CSMD1: variants seen among roughly 807,000 people sequenced by gnomAD.
CSMD1 encodes CUB and Sushi multiple domains 1.
A neutral mutation model predicts 417.5 loss-of-function variants in CSMD1; 213 were observed. The ratio of observed to expected loss-of-function variants is 0.51; its 90% CI spans 0.46 to 0.57. CSMD1 has a LOEUF of 0.57. Among genes scored for constraint, CSMD1 ranks in the 20% least tolerant of loss-of-function variants. The probability of loss-of-function intolerance (pLI) is 0.00; values close to 1 mark genes in which losing one functional copy is unlikely to be tolerated. For missense variants in CSMD1, 6,923 were observed against 4,529.7 expected (o/e 1.53, Z -15.17); for synonymous variants, 2,862 against 1,736.8 (o/e 1.65, Z -16.11).
At chr8:3,755,392 G>A (rs187721850) in intron 5 of CSMD1, among the ~76,000 whole-genome samples, 5 of 152,336 alleles carry the variant, frequency 3.3e-5, no homozygotes, top group East Asian at 1.9e-4. Flanking sequence ...TGCTCTACAA[G>A]TGGTTGTGCA....
intron 3 of CSMD1, among the ~76,000 whole-genome samples, chr8:4,046,172 TTA>T (rs1179830461): frequency 6.6e-6 from 1 of 152,090 alleles, no homozygotes; most frequent in African/African-American, 2.4e-5. Context: ...CACACACAAT[TTA>T]TATGTGTATG....
chr8:4,890,350 G>A (rs1804030245), intron 1 of CSMD1, among the ~76,000 whole-genome samples: 1 of 152,124 alleles, frequency 6.6e-6, no homozygotes, highest in African/African-American at 2.4e-5. Flanking sequence ...GAGTAGGAAG[G>A]CACATACAGG....
At chr8:4,583,566 G>T (rs547604630) in intron 2 of CSMD1, among the ~76,000 whole-genome samples, 8 of 152,038 alleles carry the variant, frequency 5.3e-5, no homozygotes, top group African/African-American at 1.9e-4. Flanking sequence ...TCAGCACCCT[G>T]TATTTACCTC....
intron 3 of CSMD1, among the ~76,000 whole-genome samples, chr8:4,073,006 T>G (rs536373043): frequency 6.6e-6 from 1 of 152,298 alleles, no homozygotes; most frequent in South Asian, 2.1e-4. Context: ...ATACTCTATA[T>G]GTAAGGACCA....
At chr8:4,595,902 T>C (rs901180317) in intron 2 of CSMD1, among the ~76,000 whole-genome samples, 1 of 152,132 alleles carries the variant, frequency 6.6e-6, no homozygotes, top group African/African-American at 2.4e-5. Context: ...CATGCAGCCA[T>C]CCACTCTTAA....
intron 3 of CSMD1, among the ~76,000 whole-genome samples, chr8:4,086,646 G>T (rs10503233): frequency 0.2 from 30,757 of 152,050 alleles, 3,957 homozygotes; most frequent in Non-Finnish European, 0.27. Flanking sequence ...TGCACCAAGC[G>T]ATTTCATTCT....
At chr8:4,920,728 C>T (rs1236090169) in intron 1 of CSMD1, among the ~76,000 whole-genome samples, 2 of 151,722 alleles carry the variant, frequency 1.3e-5, no homozygotes, top group Non-Finnish European at 2.9e-5. Flanking sequence ...AAGGCTAAGG[C>T]AGGAGAATCA....
chr8:3,467,423 G>T (rs1001367986), intron 12 of CSMD1, among the ~76,000 whole-genome samples: 1 of 152,156 alleles, frequency 6.6e-6, no homozygotes, highest in East Asian at 1.9e-4. Flanking sequence ...CTGAATAACT[G>T]CACAGTCACA....
chr8:4,093,963 CAAATAGATAGATAGAT>C (rs1436759860), intron 3 of CSMD1, among the ~76,000 whole-genome samples: 1 of 114,540 alleles, frequency 8.7e-6, no homozygotes, highest in Non-Finnish European at 1.8e-5. Context: ...GACTACATCT[CAAATAGATAGATAGAT>C]AGATAGATAG....
At chr8:3,560,612 G>T (rs1384751799) in intron 10 of CSMD1, among the ~76,000 whole-genome samples, 2 of 152,130 alleles carry the variant, frequency 1.3e-5, no homozygotes, top group African/African-American at 4.8e-5. Context: ...CTAGAGAAAA[G>T]GGGGAATGAG....
intron 3 of CSMD1, among the ~76,000 whole-genome samples, chr8:4,079,829 T>G (rs914726985): frequency 2.6e-4 from 40 of 152,134 alleles, no homozygotes; most frequent in African/African-American, 9.7e-4. Flanking sequence ...GAGAAAACAG[T>G]AGCCAGGGAT....
chr8:4,785,729 T>A (rs987939035), intron 1 of CSMD1, among the ~76,000 whole-genome samples: 2 of 152,138 alleles, frequency 1.3e-5, no homozygotes, highest in African/African-American at 4.8e-5. Flanking sequence ...ATAGAGCACA[T>A]CTTACTCTCA....
At chr8:3,908,533 A>G (rs2129137908) in intron 5 of CSMD1, among the ~76,000 whole-genome samples, 1 of 152,130 alleles carries the variant, frequency 6.6e-6, no homozygotes, top group Admixed American at 6.5e-5. Context: ...AAAACTCCTA[A>G]CCTAAGGGAA....
chr8:3,868,586 C>G (rs931033536), intron 5 of CSMD1, among the ~76,000 whole-genome samples: 1 of 152,150 alleles, frequency 6.6e-6, no homozygotes, highest in Non-Finnish European at 1.5e-5. Context: ...TCCAGCAGCC[C>G]ACTCAGCTCA....
chr8:4,908,993 C>G (rs1015863225), intron 1 of CSMD1, among the ~76,000 whole-genome samples: 1 of 152,116 alleles, frequency 6.6e-6, no homozygotes, highest in East Asian at 1.9e-4. Flanking sequence ...TTCTCGTTTT[C>G]TTTTTGGTAA....
At chr8:4,131,123 C>A (rs1803076412) in intron 3 of CSMD1, among the ~76,000 whole-genome samples, 1 of 152,160 alleles carries the variant, frequency 6.6e-6, no homozygotes, top group African/African-American at 2.4e-5. Flanking sequence ...ACTGCTTATT[C>A]ATTTACAAGT....
chr8:3,548,866 G>A (rs1337814662), intron 10 of CSMD1, among the ~76,000 whole-genome samples: 2 of 152,000 alleles, frequency 1.3e-5, no homozygotes, highest in Non-Finnish European at 2.9e-5. Flanking sequence ...CCTGGGCTGG[G>A]TCCCGCTCCC....
At chr8:4,020,272 G>A (rs1010785664) in intron 4 of CSMD1, among the ~76,000 whole-genome samples, 2 of 152,190 alleles carry the variant, frequency 1.3e-5, no homozygotes, top group South Asian at 2.1e-4. Flanking sequence ...ACTGGGATTT[G>A]CCCCAGGTGA....
chr8:4,885,377 G>A (rs1299204240), intron 1 of CSMD1, among the ~76,000 whole-genome samples: 3 of 151,956 alleles, frequency 2.0e-5, no homozygotes, highest in Non-Finnish European at 2.9e-5. Flanking sequence ...ATGTTGAACA[G>A]AAGTACCAAA....
Sources: allele counts gnomAD v4.1 joint callset (sites outside exome capture counted in the v4.1 genomes callset), GRCh38; gene constraint gnomAD v4.1.1; transcripts MANE v1.5; gene names NCBI Gene and HGNC (gene_info 2026-07-23, HGNC 2026-07-21).